Variants in CORO2B observed in about 807,000 individuals in gnomAD.
CORO2B encodes coronin-2B.
In CORO2B, 26 loss-of-function variants were observed where a neutral mutation model predicts 58.8. The observed-to-expected ratio is 0.44, with a 90% CI of 0.32 to 0.61. The LOEUF (loss-of-function observed/expected upper bound fraction) is 0.61, where lower values mean the gene tolerates loss of function less well. Ranked by LOEUF, CORO2B falls within the 20% of genes least tolerant of loss-of-function variation. CORO2B has a pLI of 0.04. For synonymous variants in CORO2B, 242 were observed against 253.8 expected (o/e 0.95, Z 0.44); for missense variants, 460 against 645.1 (o/e 0.71, Z 3.11).
chr15:68,612,446 G>A (rs751539421), intron 1 of CORO2B, among the ~76,000 whole-genome samples: 7 of 152,232 alleles, frequency 4.6e-5, no homozygotes, highest in Non-Finnish European at 7.3e-5. Flanking sequence ...CAACACTGCA[G>A]AGGAGTCCTG....
chr15:68,620,992 G>A (rs1325743062), intron 1 of CORO2B, among the ~76,000 whole-genome samples: 5 of 152,214 alleles, frequency 3.3e-5, no homozygotes, highest in South Asian at 2.1e-4. Flanking sequence ...CTCCGCTTCC[G>A]GGAAGCTATT....
the CORO2B span, among the ~76,000 whole-genome samples, chr15:68,563,546 G>C: frequency 7.3e-5 from 11 of 151,100 alleles, no homozygotes; most frequent in Non-Finnish European, 1.6e-4. Flanking sequence ...AAAAAATTAA[G>C]TGGAGATAAA....
At chr15:68,573,767 G>A in the CORO2B span, among the ~76,000 whole-genome samples, 1 of 152,230 alleles carries the variant, frequency 6.6e-6, no homozygotes, top group Non-Finnish European at 1.5e-5. Flanking sequence ...AGCCGGGGAT[G>A]CTTCATTCTC....
intron 11 of CORO2B, among the ~76,000 whole-genome samples, chr15:68,721,887 A>G (rs1320940517): frequency 6.6e-6 from 1 of 152,048 alleles, no homozygotes; most frequent in Non-Finnish European, 1.5e-5. Flanking sequence ...AGCTGGAACT[A>G]GCGGCGTGTA....
chr15:68,716,480 A>G (rs1024360568), intron 8 of CORO2B, among the ~76,000 whole-genome samples: 2 of 152,238 alleles, frequency 1.3e-5, no homozygotes, highest in African/African-American at 4.8e-5. Context: ...CGCGAAGTCC[A>G]GTGGCAAATA....
chr15:68,536,195 C>T, the CORO2B span, among the ~76,000 whole-genome samples: 2 of 152,166 alleles, frequency 1.3e-5, no homozygotes, highest in Non-Finnish European at 2.9e-5. Flanking sequence ...GAAGCCTAGT[C>T]TACAAGAAGT....
chr15:68,726,144 C>T lies in CORO2B; in HGVS notation c.*170C>T. 1 of 818,624 alleles carries T rather than the reference C, an allele frequency of 1.2e-6. No individual in the cohort carries two copies. The highest frequency in any genetic ancestry group is 1.9e-6 in the Non-Finnish European group (1 of 532,560). The allele number at this position is 818,624 out of a possible 1,614,324, so 50.7% of individuals were successfully genotyped here. Reference sequence around the variant, plus strand: ...GGAAGCCAACCTCTAACCTCCTGACCTCATGCTAATAAAAGTCCCCAGCTT... The same window carrying T: ...GGAAGCCAACCTCTAACCTCCTGACTTCATGCTAATAAAAGTCCCCAGCTT... On this transcript the variant is annotated 3_prime_UTR_variant, in exon 12 of 12. Transcript: ENST00000261861.
At chr15:68,526,539 C>T in the CORO2B span, among the ~76,000 whole-genome samples, 1 of 152,284 alleles carries the variant, frequency 6.6e-6, no homozygotes, top group Admixed American at 6.5e-5. Context: ...GCCATTGGTG[C>T]ATCTTCTTTT....
the CORO2B span, among the ~76,000 whole-genome samples, chr15:68,534,356 T>C: frequency 6.6e-6 from 1 of 152,194 alleles, no homozygotes; most frequent in Non-Finnish European, 1.5e-5. Flanking sequence ...TGCACTAATG[T>C]TTTATCTTTG....
intron 2 of CORO2B, among the ~76,000 whole-genome samples, chr15:68,655,884 T>C (rs1225978547): frequency 1.3e-5 from 2 of 152,108 alleles, no homozygotes; most frequent in Non-Finnish European, 1.5e-5. Flanking sequence ...CTCTCAGCAC[T>C]TCAAGGAACA....
rs932006827 is a variant in CORO2B at position 68,684,390 on chromosome 15, A to G, written c.217-10750A>G. Among the ~76,000 whole-genome samples the G allele has an allele frequency of 5.3e-5, 8 of 152,256 alleles. No homozygotes were observed. In the South Asian group the frequency reaches 6.2e-4, roughly 12 times the overall value. On this transcript the variant is annotated intron_variant, in intron 2 of 11. Coordinates refer to ENST00000261861, the MANE Select transcript of CORO2B (RefSeq NM_006091.5). ...CAAGCAGGGTCCTGAAATAGGGGAC[A>G]TGAGACAAGTAAGTCTTGATTGGGA...
intron 1 of CORO2B, among the ~76,000 whole-genome samples, chr15:68,630,456 T>G (rs938965790): frequency 2.0e-5 from 3 of 151,998 alleles, no homozygotes; most frequent in African/African-American, 7.3e-5. Context: ...GCAGGCCTGC[T>G]AGGCTTGGGT....
upstream of CORO2B, among the ~76,000 whole-genome samples, chr15:68,576,173 A>AAAAAAAAGAAAG (rs1555409381): frequency 1.5e-4 from 16 of 103,896 alleles, no homozygotes; most frequent in African/African-American, 5.6e-4. Flanking sequence ...AAAAAAAAAA[A>AAAAAAAAGAAAG]AAAGAAAGAA....
At chr15:68,602,175 G>A (rs1023172369) in intron 1 of CORO2B, among the ~76,000 whole-genome samples, 2 of 152,192 alleles carry the variant, frequency 1.3e-5, no homozygotes, top group South Asian at 2.1e-4. Context: ...AATCCCATTC[G>A]CAAGGACCAC....
At chr15:68,519,030 C>T in the CORO2B span, among the ~76,000 whole-genome samples, 6 of 152,192 alleles carry the variant, frequency 3.9e-5, no homozygotes, top group African/African-American at 1.4e-4. Flanking sequence ...GTATGCACGG[C>T]CCAGGACTGC....
At position 68,579,113 on chromosome 15, in the gene CORO2B, C is replaced by T. The variant is rs1469267967; in HGVS notation, c.-150C>T. On this transcript the variant is annotated 5_prime_UTR_variant, in exon 1 of 12. Coordinates refer to ENST00000261861, the MANE Select transcript of CORO2B (RefSeq NM_006091.5). Reference sequence around the variant, plus strand: ...GAGCGGTCCCTGCGCGCTGCCCGCCCGGAGCGCAGCCCCCAGGCTCGGCCG... The same window carrying T: ...GAGCGGTCCCTGCGCGCTGCCCGCCTGGAGCGCAGCCCCCAGGCTCGGCCG... 3 of 982,298 alleles carry T rather than the reference C, an allele frequency of 3.1e-6. No homozygotes were observed. Among genetic ancestry groups the T allele is most frequent in the Non-Finnish European group, 3.6e-6 (3 of 828,712 alleles). The allele number at this position is 982,298 out of a possible 1,614,324, so 60.8% of individuals were successfully genotyped here.
rs113242316 is a variant in CORO2B, at chr15:68,697,968, A to G, written c.333+2712A>G. Among the ~76,000 whole-genome samples the G allele has an allele frequency of 1.8e-3, 269 of 152,302 alleles. 2 individuals are homozygous for G. Among genetic ancestry groups the G allele is most frequent in the African/African-American group, 6.2e-3 (259 of 41,578 alleles). On this transcript the variant is annotated intron_variant, in intron 3 of 11. Transcript: ENST00000261861. ...CGTCCCTGCCTGCTGAGGTGCTGGG[A>G]GAGTGGCGGGAAGGGCTGACCCCAG...
the CORO2B span, among the ~76,000 whole-genome samples, chr15:68,548,429 C>A: frequency 6.6e-6 from 1 of 152,100 alleles, no homozygotes; most frequent in African/African-American, 2.4e-5. Flanking sequence ...TCTTGAAACA[C>A]TCCCGCCATG....
intron 2 of CORO2B, among the ~76,000 whole-genome samples, chr15:68,679,657 G>T (rs1424720698): frequency 6.6e-6 from 1 of 152,208 alleles, no homozygotes; most frequent in Admixed American, 6.5e-5. Flanking sequence ...TGCTCAGTCA[G>T]TCATTAGCGT....
Sources: gnomAD v4.1 joint callset for allele counts (sites outside exome capture counted in the v4.1 genomes callset) on GRCh38, gnomAD v4.1.1 for gene constraint, MANE v1.5 for transcripts, NCBI Gene and HGNC (gene_info 2026-07-23, HGNC 2026-07-21) for gene names.